DYM: variants seen among roughly 807,000 people sequenced by gnomAD.
The protein encoded by DYM is dyggve-Melchior-Clausen syndrome protein.
Under a neutral mutation model 93.1 loss-of-function variants are expected in DYM, and 78 were observed. The observed-to-expected ratio is 0.84, with a 90% CI of 0.70 to 1.01. The LOEUF (loss-of-function observed/expected upper bound fraction) is 1.01, where lower values mean the gene tolerates loss of function less well. Among genes scored for constraint, DYM ranks in the 50% least tolerant of loss-of-function variants. DYM has a pLI of 0.00. For synonymous variants in DYM, 321 were observed against 319.7 expected (o/e 1.00, Z -0.04); for missense variants, 789 against 845.0 (o/e 0.93, Z 0.82).
At chr18:49,357,020 T>G (rs77037077) in intron 6 of DYM, among the ~76,000 whole-genome samples, 18,284 of 152,206 alleles carry the variant, frequency 0.12, 1,350 homozygotes, top group East Asian at 0.31. Context: ...TACATCAACA[T>G]TGCTTCTTTA....
intron 8 of DYM, among the ~76,000 whole-genome samples, chr18:49,323,222 G>A (rs117950440): frequency 6.6e-6 from 1 of 152,212 alleles, no homozygotes; most frequent in East Asian, 1.9e-4. Flanking sequence ...AAACAAGTTA[G>A]CAGGGTTAGA....
intron 13 of DYM, among the ~76,000 whole-genome samples, chr18:49,240,598 T>C (rs933877397): frequency 2.6e-5 from 4 of 152,252 alleles, no homozygotes; most frequent in African/African-American, 9.6e-5. Context: ...GTCAAACTCA[T>C]GATGCCAAAT....
Position 49,144,993 on chromosome 18 carries a change from G to A in DYM, c.1728+18692C>T, listed in dbSNP as rs138530014. ...TGCGTGCCTATAGTCCCAGCTACTC[G>A]AAAGGCTGAGGCGGGAGTATTGCTT... On this transcript the variant is annotated intron_variant, in intron 15 of 17. Coordinates refer to ENST00000675505, the MANE Select transcript of DYM (RefSeq NM_001353214.3). Among the ~76,000 whole-genome samples the A allele has an allele frequency of 9.2e-3, 1,388 of 150,206 alleles. 24 individuals carry two copies. Among genetic ancestry groups the A allele is most frequent in the African/African-American group, 0.029 (1,183 of 40,878 alleles).
intron 17 of DYM, among the ~76,000 whole-genome samples, chr18:49,090,613 G>A (rs1164606015): frequency 6.6e-6 from 1 of 152,170 alleles, no homozygotes; most frequent in Admixed American, 6.5e-5. Flanking sequence ...ACATGGATCA[G>A]GGAAAGTAGA....
chr18:49,191,380 T>A (rs955558783), intron 14 of DYM, among the ~76,000 whole-genome samples: 2 of 152,136 alleles, frequency 1.3e-5, no homozygotes, highest in Non-Finnish European at 2.9e-5. Context: ...CTATAAATGC[T>A]TACTTTGTGA....
At chr18:49,360,285 A>G (rs2065906260) in intron 6 of DYM, among the ~76,000 whole-genome samples, 1 of 150,030 alleles carries the variant, frequency 6.7e-6, no homozygotes, top group African/African-American at 2.4e-5. Flanking sequence ...GCGTGTACTC[A>G]TTTAAGATAT....
At chr18:49,149,779 T>C (rs2085611098) in intron 15 of DYM, among the ~76,000 whole-genome samples, 1 of 138,876 alleles carries the variant, frequency 7.2e-6, no homozygotes, top group African/African-American at 2.7e-5. Flanking sequence ...CAATCTCGGC[T>C]CACTGCAACC....
intron 13 of DYM, among the ~76,000 whole-genome samples, chr18:49,228,556 A>C (rs1025697899): frequency 2.0e-5 from 3 of 152,194 alleles, no homozygotes; most frequent in African/African-American, 7.2e-5. Context: ...GAGAACTAGA[A>C]TAACATGATT....
intron 17 of DYM, among the ~76,000 whole-genome samples, chr18:49,073,181 T>C (rs1199752269): frequency 1.3e-5 from 2 of 152,240 alleles, no homozygotes; most frequent in East Asian, 1.9e-4. Flanking sequence ...AATAGCCTCA[T>C]TCGTCACAAG....
chr18:49,418,358 AG>A (rs1042281907), intron 2 of DYM, among the ~76,000 whole-genome samples: 10 of 152,216 alleles, frequency 6.6e-5, no homozygotes, highest in African/African-American at 2.4e-4. Flanking sequence ...TAAAATATTT[AG>A]GAAAAAAACA....
chr18:49,104,804 T>G (rs1046115069), intron 16 of DYM, among the ~76,000 whole-genome samples: 8 of 152,214 alleles, frequency 5.3e-5, no homozygotes, highest in Admixed American at 5.2e-4. Context: ...CTGCTGGATT[T>G]GGTTTGCCAG....
At chr18:49,081,310 C>T (rs924222121) in intron 17 of DYM, among the ~76,000 whole-genome samples, 4 of 151,328 alleles carry the variant, frequency 2.6e-5, no homozygotes, top group African/African-American at 4.9e-5. Flanking sequence ...GAGACCAGCC[C>T]GGCCAACACA....
chr18:49,289,377 G>A (rs2059874830), intron 8 of DYM, among the ~76,000 whole-genome samples: 1 of 56,102 alleles, frequency 1.8e-5, no homozygotes, highest in Admixed American at 2.2e-4. Flanking sequence ...CATAACAAAA[G>A]GATTTTTTTA....
chr18:49,203,239 C>T (rs1162796383), intron 14 of DYM, among the ~76,000 whole-genome samples: 1 of 14,264 alleles, frequency 7.0e-5, no homozygotes, highest in Non-Finnish European at 3.1e-4. Context: ...GGGGGGTCAG[C>T]CCCCCCTGCC....
At position 49,430,428 on chromosome 18, in the gene DYM, C is replaced by T; in HGVS notation, c.-34G>A. The T allele has an allele frequency of 1.2e-6, 2 of 1,611,318 alleles. No individual in the cohort carries two copies. The highest frequency in any genetic ancestry group is 1.7e-6 in the Non-Finnish European group (2 of 1,179,816). On this transcript the variant is annotated 5_prime_UTR_variant, in exon 2 of 18. Transcript: ENST00000675505. ...TTAAGCAGATAATTTGTCCTTAAAC[C>T]TGCATTTCCAAAAGACAACCTATAA...
intron 5 of DYM, among the ~76,000 whole-genome samples, chr18:49,365,380 A>C (rs1160166674): frequency 6.6e-6 from 1 of 151,750 alleles, no homozygotes; most frequent in East Asian, 1.9e-4. Flanking sequence ...ATTAAATCTC[A>C]CTCCAAGAAA....
At chr18:49,271,681 A>AT (rs1368627441) in intron 11 of DYM, among the ~76,000 whole-genome samples, 1 of 151,882 alleles carries the variant, frequency 6.6e-6, no homozygotes, top group Non-Finnish European at 1.5e-5. Context: ...CAAAAAATAA[A>AT]ATAAAAAAAT....
intron 10 of DYM, among the ~76,000 whole-genome samples, chr18:49,280,460 G>A (rs937879103): frequency 1.3e-5 from 2 of 152,180 alleles, no homozygotes; most frequent in Non-Finnish European, 2.9e-5. Flanking sequence ...ACTGTGACGA[G>A]TAACATGAAC....
chr18:49,251,726 G>A (rs779583034), intron 13 of DYM, among the ~76,000 whole-genome samples: 4 of 152,142 alleles, frequency 2.6e-5, no homozygotes, highest in Non-Finnish European at 5.9e-5. Context: ...GCATAGAGAA[G>A]GTAAAGAACA....
Sources: allele counts gnomAD v4.1 joint callset (sites outside exome capture counted in the v4.1 genomes callset), GRCh38; gene constraint gnomAD v4.1.1; transcripts MANE v1.5; gene names NCBI Gene and HGNC (gene_info 2026-07-23, HGNC 2026-07-21).